Variants in PIK3AP1 observed in about 807,000 individuals in gnomAD.
PIK3AP1 encodes phosphoinositide 3-kinase adapter protein 1.
In PIK3AP1, 21 loss-of-function variants were observed where a neutral mutation model predicts 88.1. That is an observed-to-expected ratio of 0.24 (90% CI 0.17 to 0.34). PIK3AP1 has a LOEUF of 0.34. Ranked by LOEUF, PIK3AP1 falls within the 10% of genes least tolerant of loss-of-function variation. The pLI is 1.00. For missense variants in PIK3AP1, 828 were observed against 1,035.7 expected, an observed-to-expected ratio of 0.80 and a Z score of 2.75; for synonymous variants, 398 against 400.0, an observed-to-expected ratio of 1.00 and a Z score of 0.06.
intron 2 of PIK3AP1, among the ~76,000 whole-genome samples, chr10:96,668,511 A>G (rs1300807306): frequency 6.6e-6 from 1 of 152,212 alleles, no homozygotes; most frequent in African/African-American, 2.4e-5. Flanking sequence ...GATACAAGGA[A>G]AAAGAAAGTG....
chr10:96,617,186 T>G (rs532965729), intron 12 of PIK3AP1, among the ~76,000 whole-genome samples: 1 of 152,232 alleles, frequency 6.6e-6, no homozygotes, highest in African/African-American at 2.4e-5. Flanking sequence ...TGCACACTCT[T>G]GTGCCTTGCC....
chr10:96,709,148 A>C (rs1844405193), intron 2 of PIK3AP1, among the ~76,000 whole-genome samples: 1 of 150,294 alleles, frequency 6.7e-6, no homozygotes, highest in East Asian at 2.1e-4. Context: ...AAAAAAAAAA[A>C]AACCCTTTTT....
At chr10:96,664,732 T>C (rs764467951) in intron 2 of PIK3AP1, among the ~76,000 whole-genome samples, 5 of 152,166 alleles carry the variant, frequency 3.3e-5, no homozygotes, top group South Asian at 2.1e-4. Context: ...TCACCTTAGA[T>C]AGCCACCAGC....
At chr10:96,636,464 T>G (rs1243647410) in intron 8 of PIK3AP1, among the ~76,000 whole-genome samples, 1 of 152,056 alleles carries the variant, frequency 6.6e-6, no homozygotes, top group African/African-American at 2.4e-5. Context: ...CAACCCCACA[T>G]GTACACATAA....
intron 7 of PIK3AP1, 58 bp downstream of exon 7, chr10:96,648,601 C>A (rs920685149): frequency 1.5e-5 from 22 of 1,512,736 alleles, no homozygotes; most frequent in Non-Finnish European, 1.6e-5. Context: ...GGTGAAAGGG[C>A]AGCCATACTA....
intron 16 of PIK3AP1, among the ~76,000 whole-genome samples, chr10:96,599,054 GAGGA>G (rs1418888363): frequency 6.6e-6 from 1 of 152,228 alleles, no homozygotes; most frequent in Non-Finnish European, 1.5e-5. Flanking sequence ...GGAGTGACTG[GAGGA>G]AGGGAGGTAA....
At chr10:96,673,315 G>A (rs1328061356) in intron 2 of PIK3AP1, among the ~76,000 whole-genome samples, 1 of 152,174 alleles carries the variant, frequency 6.6e-6, no homozygotes, top group African/African-American at 2.4e-5. Flanking sequence ...AACCAGAAGA[G>A]CACAGGTAAG....
chr10:96,678,472 G>A (rs888746262), intron 2 of PIK3AP1, among the ~76,000 whole-genome samples: 1 of 151,498 alleles, frequency 6.6e-6, no homozygotes, highest in Non-Finnish European at 1.5e-5. Flanking sequence ...GTTTATCCAT[G>A]TTTCCCAGGT....
chr10:96,605,109 C>T (rs772037313), intron 14 of PIK3AP1, among the ~76,000 whole-genome samples: 8 of 152,206 alleles, frequency 5.3e-5, no homozygotes, highest in Non-Finnish European at 1.0e-4. Context: ...CCGTCCACCT[C>T]GGCCTCCCAA....
At chr10:96,688,671 G>T (rs1844109214) in intron 2 of PIK3AP1, among the ~76,000 whole-genome samples, 1 of 152,156 alleles carries the variant, frequency 6.6e-6, no homozygotes, top group Middle Eastern at 3.4e-3. Flanking sequence ...AGTGGCACAT[G>T]CCTGTAGTCC....
At chr10:96,629,315 A>G (rs1036946876) in intron 8 of PIK3AP1, among the ~76,000 whole-genome samples, 1 of 152,124 alleles carries the variant, frequency 6.6e-6, no homozygotes, top group East Asian at 1.9e-4. Flanking sequence ...AATGATAAAT[A>G]ATGAATTTCT....
At chr10:96,668,274 G>A (rs1564977868) in intron 2 of PIK3AP1, among the ~76,000 whole-genome samples, 1 of 152,170 alleles carries the variant, frequency 6.6e-6, no homozygotes, top group East Asian at 1.9e-4. Context: ...TGCATGAATT[G>A]TATGGTACAT....
intron 2 of PIK3AP1, among the ~76,000 whole-genome samples, chr10:96,704,960 GC>G (rs1844343821): frequency 2.0e-5 from 3 of 152,150 alleles, no homozygotes; most frequent in Admixed American, 6.5e-5. Context: ...TGATCTTTAA[GC>G]TTTACTTTAA....
At chr10:96,648,369 A>T (rs1231458308) in intron 7 of PIK3AP1, among the ~76,000 whole-genome samples, 1 of 152,218 alleles carries the variant, frequency 6.6e-6, no homozygotes, top group East Asian at 1.9e-4. Flanking sequence ...TACCTTCAAA[A>T]GAACTCTATG....
intron 8 of PIK3AP1, among the ~76,000 whole-genome samples, chr10:96,635,304 AAGTG>A (rs1843297927): frequency 6.6e-6 from 1 of 152,216 alleles, no homozygotes; most frequent in East Asian, 1.9e-4. Flanking sequence ...GGGCACACTC[AAGTG>A]AGTCCATCAT....
chr10:96,611,069 G>A (rs1849100718), intron 13 of PIK3AP1, among the ~76,000 whole-genome samples: 2 of 152,220 alleles, frequency 1.3e-5, no homozygotes, highest in South Asian at 4.1e-4. Flanking sequence ...ACCAAAGCCA[G>A]AAATCTGGCA....
intron 8 of PIK3AP1, among the ~76,000 whole-genome samples, chr10:96,638,455 GACACACAC>G (rs748604466): frequency 9.6e-6 from 1 of 104,354 alleles, no homozygotes; most frequent in Non-Finnish European, 1.9e-5. Context: ...CACACACACA[GACACACAC>G]ACACACAGAC....
rs767738933 is a variant in PIK3AP1, at chr10:96,626,919, G to A, written c.1472-14C>T. The A allele has an allele frequency of 7.5e-6, 12 of 1,607,938 alleles. No homozygotes were observed. Among genetic ancestry groups the A allele is most frequent in the Admixed American group, 3.3e-5 (2 of 60,030 alleles). On this transcript the variant is annotated splice_polypyrimidine_tract_variant and intron_variant, in intron 9 of 16. Transcript: ENST00000339364. ...CCATGCTGTTGCCTAGAAACGCAGA[G>A]AAAGGTGACTGAAAGCAGTGGCCAA...
At chr10:96,706,741 T>G (rs925515521) in intron 2 of PIK3AP1, among the ~76,000 whole-genome samples, 1 of 152,160 alleles carries the variant, frequency 6.6e-6, no homozygotes. Flanking sequence ...TTTTCTACAC[T>G]GCCAGACTCT....
Sources: allele counts gnomAD v4.1 joint callset (sites outside exome capture counted in the v4.1 genomes callset), GRCh38; gene constraint gnomAD v4.1.1; transcripts MANE v1.5; gene names NCBI Gene and HGNC (gene_info 2026-07-23, HGNC 2026-07-21).